Variants in FRY observed in about 807,000 individuals in gnomAD.
FRY encodes the protein FRY microtubule binding protein.
A neutral mutation model predicts 348.4 loss-of-function variants in FRY; 128 were observed. The observed-to-expected ratio is 0.37, with a 90% CI of 0.32 to 0.43. The LOEUF is 0.43. FRY is among the 20% of genes least tolerant of loss of function. The pLI is 1.00. For missense variants in FRY, 2,736 were observed against 3,695.2 expected (o/e 0.74, Z 6.73); for synonymous variants, 1,370 against 1,374.7 (o/e 1.00, Z 0.08).
chr13:32,186,549 T>A, intron 27 of FRY, 129 bp downstream of exon 27: 2 of 708,228 alleles, frequency 2.8e-6, no homozygotes, highest in Admixed American at 2.1e-5. Flanking sequence ...TAAGCGCACA[T>A]ACAAAAAAAT....
chr13:32,092,539 T>C (rs1876385293), intron 2 of FRY, among the ~76,000 whole-genome samples: 2 of 152,208 alleles, frequency 1.3e-5, no homozygotes, highest in Admixed American at 1.3e-4. Flanking sequence ...GTCTGTATTT[T>C]TTTAAGCTGA....
chr13:32,190,470 T>C (rs1337672264), intron 28 of FRY, among the ~76,000 whole-genome samples: 2 of 152,124 alleles, frequency 1.3e-5, no homozygotes, highest in African/African-American at 4.8e-5. Flanking sequence ...CTGGTTGCCA[T>C]ATGAAAGGTC....
At chr13:32,077,195 G>A (rs1483258106) in intron 1 of FRY, among the ~76,000 whole-genome samples, 2 of 152,136 alleles carry the variant, frequency 1.3e-5, no homozygotes, top group African/African-American at 4.8e-5. Flanking sequence ...ACTACTAAAG[G>A]CCCTCAAAAC....
Position 32,251,940 on chromosome 13 carries a change from C to CA in FRY, c.7238dup (p.Asn2413LysfsTer16). On this transcript the variant is annotated frameshift_variant, in exon 50 of 61. Transcript: ENST00000542859. LOFTEE classifies it high-confidence loss of function. Reference sequence around the variant, plus strand: ...TGTGTGGCCAAGAAGTAGGATTGAGCAAAAATCCATCAGTAAGTTCTGTCA... The same window carrying CA: ...TGTGTGGCCAAGAAGTAGGATTGAGCAAAAAATCCATCAGTAAGTTCTGTCA... The CA allele has an allele frequency of 6.2e-7, 1 of 1,606,360 alleles. No individual in the cohort carries two copies. Among genetic ancestry groups the CA allele is most frequent in the Non-Finnish European group, 8.5e-7 (1 of 1,172,942 alleles).
At chr13:32,051,397 C>T (rs573845045) in intron 1 of FRY, among the ~76,000 whole-genome samples, 2 of 152,254 alleles carry the variant, frequency 1.3e-5, no homozygotes, top group African/African-American at 2.4e-5. Flanking sequence ...AAAGAGCTAC[C>T]TACCGGAATG....
intron 54 of FRY, among the ~76,000 whole-genome samples, chr13:32,266,290 G>C (rs748899344): frequency 1.1e-4 from 17 of 152,190 alleles, no homozygotes; most frequent in Non-Finnish European, 1.8e-4. Context: ...AAAGGAAAAG[G>C]TTAAGGTAAC....
At chr13:32,047,657 A>G (rs970835573) in intron 1 of FRY, among the ~76,000 whole-genome samples, 7 of 147,466 alleles carry the variant, frequency 4.7e-5, no homozygotes, top group South Asian at 4.3e-4. Context: ...TGCAACCTCC[A>G]CCTCCTGGGT....
At chr13:32,203,450 G>A (rs1884164619) in intron 31 of FRY, among the ~76,000 whole-genome samples, 1 of 152,158 alleles carries the variant, frequency 6.6e-6, no homozygotes, top group Non-Finnish European at 1.5e-5. Flanking sequence ...GTCAGGCCGG[G>A]CGTGGTGGCT....
intron 3 of FRY, among the ~76,000 whole-genome samples, chr13:32,116,620 G>A (rs1028209621): frequency 2.0e-5 from 3 of 152,054 alleles, no homozygotes; most frequent in African/African-American, 7.2e-5. Context: ...AATTTATGAG[G>A]CATTTTGTGG....
intron 14 of FRY, among the ~76,000 whole-genome samples, chr13:32,150,647 A>G (rs1880735691): frequency 6.6e-6 from 1 of 152,180 alleles, no homozygotes; most frequent in Admixed American, 6.5e-5. Context: ...CTCTTAAGAT[A>G]AAAAAAGGGA....
chr13:32,237,150 C>G lies in FRY; in HGVS notation c.5811-229C>G, dbSNP rs959093826. 1.3e-5 allele frequency among the ~76,000 whole-genome samples: 2 copies of G among 152,036 alleles called. No individual in the cohort carries two copies. The highest frequency in any genetic ancestry group is 3.9e-4 in the East Asian group (2 of 5,184). On this transcript the variant is annotated intron_variant, in intron 43 of 60. Coordinates refer to ENST00000542859, the MANE Select transcript of FRY (RefSeq NM_023037.3). This position sits in a 1 kb window ranked among gnomAD's most constrained non-coding sequence, Gnocchi z 6.3. ...AAACTTTAAGGCCAATTATTGATTC[C>G]TCTACATTTTCAAGAAGTAGCAGTC...
At position 32,234,564 on chromosome 13, in the gene FRY, G is replaced by T; in HGVS notation, c.5528-10G>T. ...GAGACTGACCTATTCTGTGGCTCTTGTTACCCTAGGCTTCCATCTGGAGCA... is the reference window on the plus strand; with the variant it reads ...GAGACTGACCTATTCTGTGGCTCTTTTTACCCTAGGCTTCCATCTGGAGCA... On this transcript the variant is annotated splice_polypyrimidine_tract_variant and intron_variant, in intron 41 of 60. Transcript: ENST00000542859. 6.2e-7 allele frequency: 1 copy of T among 1,613,324 alleles called. No homozygotes were observed. The highest frequency in any genetic ancestry group is 8.5e-7 in the Non-Finnish European group (1 of 1,179,692).
Position 32,225,910 on chromosome 13 carries a change from A to C in FRY, c.5142A>C (p.Arg1714=), listed in dbSNP as rs753865729. ...TTGCTTCCGTGCTCCTGCAGACCCG[A>C]GAGATGGGTGAAGCTAAGACTCTAA... ...HSIASVLLQT[R]EMGEAKTLTV... The change falls in exon 39 of 61, where the codon CGA becomes CGC. Residue 1714 remains arginine (R), a synonymous_variant. Coordinates refer to ENST00000542859, the MANE Select transcript of FRY (RefSeq NM_023037.3). 1.2e-6 allele frequency: 2 copies of C among 1,614,148 alleles called. No homozygotes were observed. The highest frequency in any genetic ancestry group is 1.7e-5 in the Admixed American group (1 of 60,020).
intron 51 of FRY, among the ~76,000 whole-genome samples, chr13:32,254,801 T>C (rs1026927351): frequency 1.3e-5 from 2 of 152,262 alleles, no homozygotes; most frequent in African/African-American, 4.8e-5. Flanking sequence ...ATTCAATTCC[T>C]TCAAAGCTTG....
chr13:32,291,158 G>A lies in FRY; in HGVS notation c.8580+1415G>A, dbSNP rs186162110. On this transcript the variant is annotated intron_variant, in intron 59 of 60. Transcript: ENST00000542859. ...AGGATGAAGCCTGGGAAACCTCACC[G>A]TCTAAGAGCAGAAGAGGAAGAGCCA... Among the ~76,000 whole-genome samples the A allele has an allele frequency of 1.2e-4, 19 of 152,126 alleles. 1 individual carries two copies. The highest frequency in any genetic ancestry group is 5.8e-4 in the East Asian group (3 of 5,142).
chr13:32,283,952 C>T (rs1296597933), intron 58 of FRY, among the ~76,000 whole-genome samples: 3 of 152,150 alleles, frequency 2.0e-5, no homozygotes, highest in African/African-American at 7.2e-5. Flanking sequence ...GACCACTAGT[C>T]GAAGGTTTAA....
At chr13:32,287,524 A>G (rs1229658895) in intron 58 of FRY, among the ~76,000 whole-genome samples, 1 of 152,234 alleles carries the variant, frequency 6.6e-6, no homozygotes, top group Non-Finnish European at 1.5e-5. Flanking sequence ...CTGTGTTCAC[A>G]TATTATGCAC....
At chr13:32,250,383 A>G (rs1025182942) in intron 49 of FRY, among the ~76,000 whole-genome samples, 7 of 152,214 alleles carry the variant, frequency 4.6e-5, no homozygotes, top group African/African-American at 1.7e-4. Context: ...CACAGATGTC[A>G]GAAACTGGAT....
Position 32,296,118 on chromosome 13 carries a change from T to C in FRY, c.*658T>C, listed in dbSNP as rs2072059480. 6.5e-6 allele frequency: 1 copy of C among 152,832 alleles called. No individual in the cohort carries two copies. Among genetic ancestry groups the C allele is most frequent in the African/African-American group, 2.4e-5 (1 of 41,456 alleles). The allele number at this position is 152,832 out of a possible 1,614,324, so 9.5% of individuals were successfully genotyped here. ...CCTTTCTTATGTTGCTAGGCTACTG[T>C]TTCTGAAAGCCCTGGATCTCTTTGC... On this transcript the variant is annotated 3_prime_UTR_variant, in exon 61 of 61. Transcript: ENST00000542859.
Sources: gnomAD v4.1 joint callset for allele counts (sites outside exome capture counted in the v4.1 genomes callset) on GRCh38, gnomAD v4.1.1 for gene constraint, Gnocchi (gnomAD v3.1) non-coding constraint, MANE v1.5 for transcripts, NCBI Gene and HGNC (gene_info 2026-07-23, HGNC 2026-07-21) for gene names.